Variants in TLE1 observed in about 807,000 individuals in gnomAD.
The protein encoded by TLE1 is transducin-like enhancer protein 1.
A neutral mutation model predicts 89.8 loss-of-function variants in TLE1; 21 were observed. That is an observed-to-expected ratio of 0.23 (90% CI 0.17 to 0.34). The LOEUF (loss-of-function observed/expected upper bound fraction) is 0.34. TLE1 is among the 10% of genes least tolerant of loss of function. The probability of loss-of-function intolerance (pLI) is 1.00; values close to 1 mark genes in which losing one functional copy is unlikely to be tolerated. For missense variants in TLE1, 795 were observed against 1,031.2 expected (o/e 0.77, Z 3.14); for synonymous variants, 447 against 407.6 (o/e 1.10, Z -1.16).
intron 4 of TLE1, among the ~76,000 whole-genome samples, chr9:81,655,279 C>T (rs1830024007): frequency 1.3e-5 from 2 of 152,038 alleles, no homozygotes; most frequent in Non-Finnish European, 2.9e-5. Flanking sequence ...CAGAGAACTG[C>T]TTGAACGAGG....
chr9:81,586,200 G>GCCAA (rs1317311179), intron 17 of TLE1, among the ~76,000 whole-genome samples: 3 of 152,030 alleles, frequency 2.0e-5, no homozygotes, highest in Non-Finnish European at 2.9e-5. Context: ...TGTATTTTTA[G>GCCAA]TAAAGACGGG....
At chr9:81,669,078 G>T (rs1282860681) in intron 4 of TLE1, among the ~76,000 whole-genome samples, 2 of 152,196 alleles carry the variant, frequency 1.3e-5, no homozygotes, top group Non-Finnish European at 2.9e-5. Flanking sequence ...GTTCCCACAG[G>T]GCTGGGTTGG....
intron 11 of TLE1, among the ~76,000 whole-genome samples, chr9:81,615,081 C>CAAAAAAAAAAAAA (rs34947337): frequency 2.8e-4 from 7 of 25,106 alleles, no homozygotes; most frequent in Non-Finnish European, 2.7e-4. Context: ...GACTCCATCT[C>CAAAAAAAAAAAAA]AAAAAAAAAA....
At chr9:81,653,371 A>T (rs1273564686) in intron 5 of TLE1, among the ~76,000 whole-genome samples, 1 of 152,246 alleles carries the variant, frequency 6.6e-6, no homozygotes, top group Non-Finnish European at 1.5e-5. Flanking sequence ...AGGCAAAGCT[A>T]AAATACAATA....
intron 4 of TLE1, among the ~76,000 whole-genome samples, chr9:81,663,830 T>C (rs931413437): frequency 6.6e-6 from 1 of 151,782 alleles, no homozygotes; most frequent in African/African-American, 2.4e-5. Flanking sequence ...TTTCACCATG[T>C]CGGCAGGATG....
chr9:81,666,561 G>A (rs914776450), intron 4 of TLE1, among the ~76,000 whole-genome samples: 4 of 151,890 alleles, frequency 2.6e-5, no homozygotes, highest in African/African-American at 9.7e-5. Context: ...CGGATTATGA[G>A]GTCAGGAGTT....
chr9:81,620,868 A>C (rs1422589773), intron 8 of TLE1: 2 of 760,848 alleles, frequency 2.6e-6, no homozygotes, highest in East Asian at 8.5e-5. Flanking sequence ...ATGTGTTTTT[A>C]TTCTTTCCCA....
At chr9:81,630,329 A>T (rs1307753330) in intron 8 of TLE1, among the ~76,000 whole-genome samples, 3 of 152,172 alleles carry the variant, frequency 2.0e-5, no homozygotes, top group Non-Finnish European at 4.4e-5. Context: ...AAAACTCAAT[A>T]AACTACAAGG....
intron 4 of TLE1, 141 bp downstream of exon 4, chr9:81,685,535 C>T (rs1040056942): frequency 3.1e-5 from 22 of 717,830 alleles, no homozygotes; most frequent in Middle Eastern, 3.9e-4. Flanking sequence ...ATACTACCAT[C>T]AATCCACAGG....
At chr9:81,680,090 G>A (rs920839349) in intron 4 of TLE1, among the ~76,000 whole-genome samples, 1 of 152,206 alleles carries the variant, frequency 6.6e-6, no homozygotes, top group African/African-American at 2.4e-5. Context: ...ACGAGGTGCT[G>A]GGTTCTGCGG....
intron 4 of TLE1, among the ~76,000 whole-genome samples, chr9:81,661,710 C>A (rs1020669510): frequency 2.0e-5 from 3 of 152,090 alleles, no homozygotes; most frequent in African/African-American, 7.2e-5. Flanking sequence ...ACCTCTAAAT[C>A]CCTTCTGACT....
intron 6 of TLE1, among the ~76,000 whole-genome samples, chr9:81,649,262 GAACTACAATT>G (rs1334148643): frequency 6.6e-6 from 1 of 152,118 alleles, no homozygotes; most frequent in Non-Finnish European, 1.5e-5. Context: ...TCAGACAGGA[GAACTACAATT>G]TCTATGCTGG....
chr9:81,584,449 T>C lies in TLE1; in HGVS notation c.2204A>G (p.Gln735Arg). ...WRTPYGASIF[Q>R]SKESSSVLSC... ...TCTAGGTGAGGAGTACTTACTCACC[T>C]GGAATATGCTGGCTCCATAGGGGGT... Residue 735 changes from glutamine to arginine, a missense_variant and splice_region_variant, in exon 19 of 20, where the codon CAG becomes CGG. Transcript: ENST00000376499. 2 of 1,614,094 alleles carry C rather than the reference T, an allele frequency of 1.2e-6. No individual in the cohort carries two copies. The highest frequency in any genetic ancestry group is 1.7e-6 in the Non-Finnish European group (2 of 1,179,998).
At chr9:81,588,541 C>A (rs761652322) in intron 16 of TLE1, among the ~76,000 whole-genome samples, 1 of 152,142 alleles carries the variant, frequency 6.6e-6, no homozygotes, top group South Asian at 2.1e-4. Flanking sequence ...TGCCTCCAAG[C>A]GGAGCACAAG....
At chr9:81,641,929 G>A (rs1377815522) in intron 6 of TLE1, among the ~76,000 whole-genome samples, 1 of 152,182 alleles carries the variant, frequency 6.6e-6, no homozygotes, top group African/African-American at 2.4e-5. Flanking sequence ...GGTTGAGGCA[G>A]GAGAATTGCT....
chr9:81,649,675 C>T (rs1475510393), intron 6 of TLE1, among the ~76,000 whole-genome samples: 1 of 152,150 alleles, frequency 6.6e-6, no homozygotes, highest in East Asian at 1.9e-4. Context: ...CTGAACAATA[C>T]TGACAGCTGC....
At chr9:81,687,516 G>T in intron 1 of TLE1, 82 bp from the exon 2 acceptor site, 1 of 1,045,172 alleles carries the variant, frequency 9.6e-7, no homozygotes, top group African/African-American at 1.6e-5. Flanking sequence ...GGCAAGAACG[G>T]GTGGGACATA....
chr9:81,672,674 ATT>A (rs1832379871), intron 4 of TLE1, among the ~76,000 whole-genome samples: 1 of 152,006 alleles, frequency 6.6e-6, no homozygotes, highest in African/African-American at 2.4e-5. Context: ...TCAAAATGAA[ATT>A]TTTTCTTTCT....
At chr9:81,641,125 T>C (rs1828055691) in intron 6 of TLE1, among the ~76,000 whole-genome samples, 1 of 152,208 alleles carries the variant, frequency 6.6e-6, no homozygotes, top group Non-Finnish European at 1.5e-5. Flanking sequence ...TTGTTGACAG[T>C]TCTCTCCAAA....
Sources: allele counts gnomAD v4.1 joint callset (sites outside exome capture counted in the v4.1 genomes callset), GRCh38; gene constraint gnomAD v4.1.1; transcripts MANE v1.5; gene names NCBI Gene and HGNC (gene_info 2026-07-23, HGNC 2026-07-21).